Variants in TRAP1 observed in about 807,000 individuals in gnomAD.
TRAP1 encodes the protein heat shock protein 75 kDa, mitochondrial.
Under a neutral mutation model 89.1 loss-of-function variants are expected in TRAP1, and 102 were observed. The ratio of observed to expected loss-of-function variants is 1.15; its 90% CI spans 0.98 to 1.35. The LOEUF (loss-of-function observed/expected upper bound fraction) is 1.35, where lower values mean the gene tolerates loss of function less well. TRAP1 is among the 40% of genes most tolerant of loss of function. TRAP1 has a pLI of 0.00. For synonymous variants in TRAP1, 508 were observed against 388.0 expected, an observed-to-expected ratio of 1.31 and a Z score of -3.64; for missense variants, 1,256 against 945.3, an observed-to-expected ratio of 1.33 and a Z score of -4.31.
At chr16:3,674,025 G>A (rs745502797) in intron 9 of TRAP1, among the ~76,000 whole-genome samples, 2 of 152,086 alleles carry the variant, frequency 1.3e-5, no homozygotes, top group African/African-American at 2.4e-5. Context: ...TCCTTCCCTC[G>A]CCATGTGTGA....
chr16:3,694,134 A>T (rs2051255044), intron 1 of TRAP1, among the ~76,000 whole-genome samples: 2 of 151,668 alleles, frequency 1.3e-5, no homozygotes, highest in Non-Finnish European at 2.9e-5. Flanking sequence ...TGCTTTGCAG[A>T]CCCTCCAGGC....
Position 3,658,867 on chromosome 16 carries a change from T to A in TRAP1, c.1941-2A>T. 2 of 1,613,940 alleles carry A rather than the reference T, an allele frequency of 1.2e-6. No individual in the cohort carries two copies. The highest frequency in any genetic ancestry group is 1.7e-6 in the Non-Finnish European group (2 of 1,179,932). On this transcript the variant is annotated splice_acceptor_variant, in intron 16 of 17. Coordinates refer to ENST00000246957, the MANE Select transcript of TRAP1 (RefSeq NM_016292.3). LOFTEE classifies it high-confidence loss of function. ...TTCAGCTTCTTGATGAGCGCGTGCC[T>A]GCAACACAGAACCCACCAGAAAAAG...
At chr16:3,696,104 A>G (rs936460978) in intron 1 of TRAP1, among the ~76,000 whole-genome samples, 1 of 152,184 alleles carries the variant, frequency 6.6e-6, no homozygotes, top group African/African-American at 2.4e-5. Flanking sequence ...AAGCTGTTCC[A>G]GTTTCAGCAC....
intron 6 of TRAP1, 121 bp downstream of exon 6, chr16:3,677,377 T>C: frequency 7.4e-7 from 1 of 1,344,592 alleles, no homozygotes; most frequent in Non-Finnish European, 1.0e-6. Flanking sequence ...GAGAGTCAGA[T>C]TTCATATAAA....
intron 11 of TRAP1, among the ~76,000 whole-genome samples, chr16:3,667,757 ATTTT>A (rs745741003): frequency 3.4e-5 from 4 of 117,734 alleles, no homozygotes; most frequent in Non-Finnish European, 5.2e-5. Flanking sequence ...TAACACATCA[ATTTT>A]TTTTTTTTTT....
chr16:3,689,471 C>G (rs1301301167), intron 2 of TRAP1, among the ~76,000 whole-genome samples: 1 of 152,096 alleles, frequency 6.6e-6, no homozygotes, highest in Non-Finnish European at 1.5e-5. Flanking sequence ...GCCTCGATCT[C>G]CTGACCTCAT....
chr16:3,703,680 T>A (rs17256002), intron 1 of TRAP1, among the ~76,000 whole-genome samples: 6,904 of 152,026 alleles, frequency 0.045, 213 homozygotes, highest in Admixed American at 0.058. Context: ...GGACTACATA[T>A]ATCAATAATC....
At chr16:3,709,631 GTTTACC>G (rs1423368679) in intron 1 of TRAP1, among the ~76,000 whole-genome samples, 1 of 150,164 alleles carries the variant, frequency 6.7e-6, no homozygotes, top group Non-Finnish European at 1.5e-5. Flanking sequence ...TTCCTTCCCA[GTTTACC>G]TTTGTTTCCC....
At chr16:3,698,800 C>G (rs1263761527) in intron 1 of TRAP1, among the ~76,000 whole-genome samples, 1 of 151,798 alleles carries the variant, frequency 6.6e-6, no homozygotes, top group Admixed American at 6.6e-5. Context: ...TTGGGAGGAT[C>G]ACTTGAGCCT....
chr16:3,692,315 C>A (rs987823633), intron 1 of TRAP1, among the ~76,000 whole-genome samples: 3 of 152,118 alleles, frequency 2.0e-5, no homozygotes, highest in Non-Finnish European at 4.4e-5. Flanking sequence ...GTAGGCGGAT[C>A]ACATGAGGTC....
chr16:3,713,817 CAGTTG>C, intron 1 of TRAP1, among the ~76,000 whole-genome samples: 1 of 152,344 alleles, frequency 6.6e-6, no homozygotes, highest in South Asian at 2.1e-4. Context: ...ACACTTCTGA[CAGTTG>C]GAGCTCTGAC....
intron 1 of TRAP1, among the ~76,000 whole-genome samples, chr16:3,697,803 T>C (rs1596741369): frequency 6.6e-6 from 1 of 151,530 alleles, no homozygotes; most frequent in Non-Finnish European, 1.5e-5. Flanking sequence ...TTTTTTTTTT[T>C]CCTCGAGAAG....
intron 3 of TRAP1, 91 bp downstream of exon 3, chr16:3,688,964 A>G (rs962927993): frequency 1.7e-6 from 2 of 1,198,200 alleles, no homozygotes; most frequent in African/African-American, 3.1e-5. Flanking sequence ...CACAGCTAAT[A>G]TATTATCTGG....
At chr16:3,692,347 C>T (rs36099109) in intron 1 of TRAP1, among the ~76,000 whole-genome samples, 32,691 of 151,754 alleles carry the variant, frequency 0.22, 3,927 homozygotes, top group African/African-American at 0.33. Context: ...ACCAGCCTGG[C>T]CAACATGGAG....
chr16:3,701,297 G>C (rs970733686), intron 1 of TRAP1, among the ~76,000 whole-genome samples: 28 of 152,102 alleles, frequency 1.8e-4, no homozygotes, highest in Non-Finnish European at 1.8e-4. Flanking sequence ...CAACATATAT[G>C]AAGTTAAAAC....
Position 3,664,073 on chromosome 16 carries a change from A to C in TRAP1, c.1569+201T>G, listed in dbSNP as rs529324643. 2.1e-3 allele frequency: 1,208 copies of C among 576,524 alleles called. 6 individuals carry two copies. The highest frequency in any genetic ancestry group is 3.1e-3 in the Non-Finnish European group (1,077 of 348,148). 35.7% of individuals were successfully genotyped at this position (576,524 alleles called of 1,614,324 possible). A position where few individuals can be genotyped will look rare whatever the true frequency, so the allele number is the denominator to read the frequency against. On this transcript the variant is annotated intron_variant, in intron 13 of 17. Transcript: ENST00000246957. ...GCAAGACTCCATCTCAAAAAAACAA[A>C]AAACAAACAAAAAAAACCACATGTG...
At position 3,659,021 on chromosome 16, in the gene TRAP1, A is replaced by G. The variant is rs1230134099; in HGVS notation, c.1941-156T>C. 6 of 723,142 alleles carry G rather than the reference A, an allele frequency of 8.3e-6. No individual in the cohort carries two copies. The East Asian group carries it at 1.7e-4, about 21-fold the overall frequency. 44.8% of individuals were successfully genotyped at this position (723,142 alleles called of 1,614,324 possible). On this transcript the variant is annotated intron_variant, in intron 16 of 17. Transcript: ENST00000246957. ...TTAATGATCATTTATAGATAATATC[A>G]TTATATACCCAGAAAACCCAAGAGA...
intron 11 of TRAP1, among the ~76,000 whole-genome samples, chr16:3,670,137 C>T (rs1053994999): frequency 2.0e-5 from 3 of 152,012 alleles, no homozygotes; most frequent in South Asian, 2.1e-4. Flanking sequence ...AATCCCAGCA[C>T]TTTGGGAGGC....
intron 1 of TRAP1, among the ~76,000 whole-genome samples, chr16:3,702,071 G>C (rs1596746542): frequency 6.6e-6 from 1 of 152,102 alleles, no homozygotes; most frequent in Admixed American, 6.6e-5. Context: ...AGCTGGGTGT[G>C]GTGGCGTGCA....
Sources: gnomAD v4.1 joint callset for allele counts (sites outside exome capture counted in the v4.1 genomes callset) on GRCh38, gnomAD v4.1.1 for gene constraint, MANE v1.5 for transcripts, NCBI Gene and HGNC (gene_info 2026-07-23, HGNC 2026-07-21) for gene names.